Variants in TMEM135 observed in about 807,000 individuals in gnomAD.
The protein encoded by TMEM135 is transmembrane protein 135.
Under a neutral mutation model 60.3 loss-of-function variants are expected in TMEM135, and 30 were observed. The observed-to-expected ratio is 0.50, with a 90% confidence interval of 0.37 to 0.68. The LOEUF (loss-of-function observed/expected upper bound fraction) is 0.68. Ranked by LOEUF, TMEM135 falls within the 30% of genes least tolerant of loss-of-function variation. The pLI, the probability that TMEM135 is intolerant of heterozygous loss-of-function variation, is 0.00. For missense variants in TMEM135, 468 were observed against 548.8 expected, an observed-to-expected ratio of 0.85 and a Z score of 1.47; for synonymous variants, 190 against 186.7, an observed-to-expected ratio of 1.02 and a Z score of -0.14.
chr11:87,148,237 A>G (rs1938467033), intron 4 of TMEM135, among the ~76,000 whole-genome samples: 1 of 152,210 alleles, frequency 6.6e-6, no homozygotes, highest in Admixed American at 6.5e-5. Flanking sequence ...TGAATTCATT[A>G]TTTTTGACCC....
chr11:87,080,593 A>G (rs1431208675), intron 3 of TMEM135, among the ~76,000 whole-genome samples: 1 of 151,976 alleles, frequency 6.6e-6, no homozygotes, highest in South Asian at 2.1e-4. Flanking sequence ...CCATTTCTTC[A>G]TGATGTCATG....
chr11:87,282,033 T>A (rs1942069016), intron 6 of TMEM135, among the ~76,000 whole-genome samples: 1 of 152,242 alleles, frequency 6.6e-6, no homozygotes, highest in Non-Finnish European at 1.5e-5. Flanking sequence ...TGTGGAGATT[T>A]TGTTAAAACA....
intron 4 of TMEM135, among the ~76,000 whole-genome samples, chr11:87,105,347 C>T (rs1857566746): frequency 6.6e-6 from 1 of 152,140 alleles, no homozygotes; most frequent in Non-Finnish European, 1.5e-5. Context: ...GGATCCCGAA[C>T]CCAATTGCGA....
At chr11:87,085,407 AG>A (rs1238323022) in intron 3 of TMEM135, among the ~76,000 whole-genome samples, 1 of 152,232 alleles carries the variant, frequency 6.6e-6, no homozygotes, top group Non-Finnish European at 1.5e-5. Context: ...TCTTCCTCAA[AG>A]AATAGAAGCC....
chr11:87,318,129 T>C lies in TMEM135; in HGVS notation c.1078-8T>C. 1 of 1,607,900 alleles carries C rather than the reference T, an allele frequency of 6.2e-7. No individual in the cohort carries two copies. Among genetic ancestry groups the C allele is most frequent in the Non-Finnish European group, 8.5e-7 (1 of 1,175,506 alleles). On this transcript the variant is annotated splice_polypyrimidine_tract_variant and splice_region_variant and intron_variant, in intron 12 of 14. Coordinates refer to ENST00000305494, the MANE Select transcript of TMEM135 (RefSeq NM_022918.4). ...CTTTATAACTCTTGTCTTATGCTTG[T>C]TTTGCAGACAATGTATTTCAAAGGC... is the stretch of plus-strand genomic sequence containing the variant.
chr11:87,237,730 A>G (rs921614851), intron 6 of TMEM135, among the ~76,000 whole-genome samples: 10 of 152,072 alleles, frequency 6.6e-5, no homozygotes, highest in South Asian at 2.1e-4. Flanking sequence ...ATTATTGACT[A>G]TAGTCACCCT....
chr11:87,159,441 A>G (rs890139771), intron 5 of TMEM135, among the ~76,000 whole-genome samples: 3 of 152,126 alleles, frequency 2.0e-5, no homozygotes, highest in African/African-American at 7.2e-5. Context: ...ATAAAATAAT[A>G]TTTTGTGGTT....
At chr11:87,194,258 G>T (rs1400785118) in intron 5 of TMEM135, among the ~76,000 whole-genome samples, 2 of 152,254 alleles carry the variant, frequency 1.3e-5, no homozygotes, top group East Asian at 3.9e-4. Flanking sequence ...TTTCTTGCAC[G>T]TATTCTTAAA....
At chr11:87,134,442 G>A (rs2135236730) in intron 4 of TMEM135, among the ~76,000 whole-genome samples, 1 of 152,286 alleles carries the variant, frequency 6.6e-6, no homozygotes, top group African/African-American at 2.4e-5. Context: ...AGCTCACAGT[G>A]GAGGTTATAT....
At position 87,244,938 on chromosome 11, in the gene TMEM135, A is replaced by T. The variant is rs181375312; in HGVS notation, c.509+8254A>T. ...TGCTTTTCTAGTTCTTTTAATTGCG[A>T]TGTTCGGGTGTCAATTTTGGATCTT... On this transcript the variant is annotated intron_variant, in intron 6 of 14. Coordinates refer to ENST00000305494, the MANE Select transcript of TMEM135 (RefSeq NM_022918.4). 2.1e-3 allele frequency among the ~76,000 whole-genome samples: 315 copies of T among 151,166 alleles called. 3 individuals are homozygous for T. The highest frequency in any genetic ancestry group is 7.4e-3 in the African/African-American group (304 of 41,072).
At chr11:87,239,156 A>C (rs1941073907) in intron 6 of TMEM135, among the ~76,000 whole-genome samples, 1 of 152,040 alleles carries the variant, frequency 6.6e-6, no homozygotes, top group African/African-American at 2.4e-5. Flanking sequence ...TGTTTCAGTC[A>C]CAAGTCTAGG....
At chr11:87,249,236 G>T (rs1941361928) in intron 6 of TMEM135, among the ~76,000 whole-genome samples, 1 of 152,056 alleles carries the variant, frequency 6.6e-6, no homozygotes, top group Non-Finnish European at 1.5e-5. Context: ...TCTGTTGTGT[G>T]TGACTGCTAT....
intron 13 of TMEM135, among the ~76,000 whole-genome samples, chr11:87,318,500 C>T (rs1942768774): frequency 6.6e-6 from 1 of 150,912 alleles, no homozygotes; most frequent in South Asian, 2.1e-4. Context: ...AATTATTGTT[C>T]CAGTACCTTG....
At chr11:87,309,436 A>G in intron 9 of TMEM135, 69 bp from the exon 10 acceptor site, 3 of 1,532,130 alleles carry the variant, frequency 2.0e-6, no homozygotes, top group Non-Finnish European at 2.7e-6. Flanking sequence ...TTGAGATGGT[A>G]AAATTCGTAT....
chr11:87,047,341 G>C (rs376011361), intron 1 of TMEM135, among the ~76,000 whole-genome samples: 3 of 152,074 alleles, frequency 2.0e-5, no homozygotes, highest in East Asian at 3.9e-4. Context: ...AACAGCTCCG[G>C]TCTACAGCTC....
chr11:87,044,905 C>T (rs907178764), intron 1 of TMEM135, among the ~76,000 whole-genome samples: 3 of 151,980 alleles, frequency 2.0e-5, no homozygotes, highest in African/African-American at 7.3e-5. Context: ...CCTCAGCCTC[C>T]CAAAGTGCTG....
intron 4 of TMEM135, among the ~76,000 whole-genome samples, chr11:87,154,117 A>T (rs1326836088): frequency 6.6e-6 from 1 of 152,264 alleles, no homozygotes; most frequent in African/African-American, 2.4e-5. Flanking sequence ...CTCTATGTCC[A>T]TCATATAGTG....
intron 6 of TMEM135, among the ~76,000 whole-genome samples, chr11:87,294,497 C>T (rs1041257216): frequency 2.6e-5 from 4 of 152,204 alleles, no homozygotes; most frequent in Admixed American, 6.5e-5. Context: ...GATTCTCCAG[C>T]GTCAGCCTCC....
Position 87,305,938 on chromosome 11 carries a change from G to C in TMEM135, c.701G>C (p.Cys234Ser). ...GLVRKFVDSICKHGPRHRCCK... is the reference protein window; with the variant it reads ...GLVRKFVDSISKHGPRHRCCK... The stretch of plus-strand genomic sequence containing the variant: ...AATTTTTTTGGGTTCAATTTCAGAT[G>C]CAAACATGGACCAAGGCATAGATGT... Residue 234 changes from cysteine (C) to serine (S), a missense_variant and splice_region_variant, in exon 9 of 15, where the codon TGC (cysteine) becomes TCC (serine). Coordinates refer to ENST00000305494, the MANE Select transcript of TMEM135 (RefSeq NM_022918.4). The C allele has an allele frequency of 6.2e-7, 1 of 1,602,130 alleles. No homozygotes were observed. The highest frequency in any genetic ancestry group is 8.5e-7 in the Non-Finnish European group (1 of 1,173,432).
Sources: allele counts gnomAD v4.1 joint callset (sites outside exome capture counted in the v4.1 genomes callset), GRCh38; gene constraint gnomAD v4.1.1; transcripts MANE v1.5; gene names NCBI Gene and HGNC (gene_info 2026-07-23, HGNC 2026-07-21).